CACNB2: variants seen among roughly 807,000 people sequenced by gnomAD.
CACNB2 encodes calcium voltage-gated channel auxiliary subunit beta 2, also known as voltage-dependent L-type calcium channel subunit beta-2.
A neutral mutation model predicts 73.3 loss-of-function variants in CACNB2; 42 were observed. The observed-to-expected ratio is 0.57, with a 90% CI of 0.45 to 0.74. The LOEUF (loss-of-function observed/expected upper bound fraction) is 0.74. CACNB2 is among the 30% of genes least tolerant of loss of function. The probability of loss-of-function intolerance (pLI) is 0.00; values close to 1 mark genes in which losing one functional copy is unlikely to be tolerated. For missense variants in CACNB2, 940 were observed against 853.0 expected (o/e 1.10, Z -1.27); for synonymous variants, 348 against 310.3 (o/e 1.12, Z -1.28).
intron 2 of CACNB2, among the ~76,000 whole-genome samples, chr10:18,158,455 A>G (rs539441278): frequency 6.6e-6 from 1 of 152,176 alleles, no homozygotes; most frequent in African/African-American, 2.4e-5. Context: ...TGGACTTGTT[A>G]TTAAGATTAT....
chr10:18,527,328 A>G (rs1417833501), intron 9 of CACNB2, among the ~76,000 whole-genome samples: 2 of 152,186 alleles, frequency 1.3e-5, no homozygotes, highest in African/African-American at 4.8e-5. Flanking sequence ...GTGAGCCGAG[A>G]ACGCACCACT....
intron 2 of CACNB2, among the ~76,000 whole-genome samples, chr10:18,335,766 CTTGT>C (rs59932501): frequency 0.57 from 84,447 of 149,156 alleles, 24,727 homozygotes; most frequent in African/African-American, 0.72. Flanking sequence ...ATCTCTCAGT[CTTGT>C]TTGACAGCAA....
At chr10:18,370,379 C>A (rs116365615) in intron 2 of CACNB2, among the ~76,000 whole-genome samples, 1 of 152,164 alleles carries the variant, frequency 6.6e-6, no homozygotes, top group African/African-American at 2.4e-5. Flanking sequence ...CTCACTGCAG[C>A]TTCCGCCTCC....
At chr10:18,395,977 G>A (rs1229111000) in intron 2 of CACNB2, among the ~76,000 whole-genome samples, 1 of 152,156 alleles carries the variant, frequency 6.6e-6, no homozygotes, top group East Asian at 1.9e-4. Flanking sequence ...ATTATTTTGA[G>A]ACAGGGTCTC....
At chr10:18,435,187 G>A (rs960180226) in intron 3 of CACNB2, among the ~76,000 whole-genome samples, 3 of 152,218 alleles carry the variant, frequency 2.0e-5, no homozygotes, top group African/African-American at 4.8e-5. Flanking sequence ...AGTCCAACCT[G>A]GAACCCTGTT....
intron 9 of CACNB2, among the ~76,000 whole-genome samples, chr10:18,525,847 T>C (rs934703719): frequency 2.0e-5 from 3 of 152,214 alleles, no homozygotes; most frequent in African/African-American, 7.2e-5. Context: ...CTTTTAACCT[T>C]TCTTTTGCTT....
chr10:18,413,016 G>T (rs775155592), intron 3 of CACNB2, among the ~76,000 whole-genome samples: 1 of 152,078 alleles, frequency 6.6e-6, no homozygotes, highest in African/African-American at 2.4e-5. Flanking sequence ...TATTACCCAG[G>T]CTAGATTGCA....
chr10:18,449,095 G>A (rs1381053626), intron 3 of CACNB2, among the ~76,000 whole-genome samples: 3 of 152,166 alleles, frequency 2.0e-5, no homozygotes, highest in Admixed American at 6.5e-5. Context: ...ATGCTAAAAC[G>A]AGAACGTGCC....
At chr10:18,280,068 G>A (rs1383605809) in intron 2 of CACNB2, among the ~76,000 whole-genome samples, 2 of 152,148 alleles carry the variant, frequency 1.3e-5, no homozygotes, top group African/African-American at 4.8e-5. Context: ...AACAGAGTGA[G>A]ACTCTGTCTC....
At chr10:18,152,718 A>AAAAAC (rs2031677156) in intron 2 of CACNB2, among the ~76,000 whole-genome samples, 1 of 130,170 alleles carries the variant, frequency 7.7e-6, no homozygotes, top group Non-Finnish European at 1.6e-5. Flanking sequence ...CCAAAAAAAA[A>AAAAAC]AAAAAAAAAA....
intron 2 of CACNB2, among the ~76,000 whole-genome samples, chr10:18,251,019 T>C (rs565759919): frequency 3.3e-5 from 5 of 152,368 alleles, no homozygotes; most frequent in Admixed American, 3.3e-4. Flanking sequence ...TGTTGGTAAA[T>C]GATATGCATC....
chr10:18,536,243 C>CTTTTA, intron 12 of CACNB2, 47 bp downstream of exon 12: 4 of 280,946 alleles, frequency 1.4e-5, no homozygotes, highest in East Asian at 1.9e-4. Context: ...GAGATCAGAC[C>CTTTTA]TTTTTTTTTT....
chr10:18,389,013 G>A (rs968408574), intron 2 of CACNB2, among the ~76,000 whole-genome samples: 5 of 152,154 alleles, frequency 3.3e-5, no homozygotes, highest in African/African-American at 1.2e-4. Context: ...AGGGTACTTT[G>A]TGAGAAATTT....
At chr10:18,298,430 A>G (rs1479178203) in intron 2 of CACNB2, among the ~76,000 whole-genome samples, 2 of 152,204 alleles carry the variant, frequency 1.3e-5, no homozygotes, top group Non-Finnish European at 2.9e-5. Flanking sequence ...AAGAGAATGT[A>G]CAGTGTGAAA....
At chr10:18,491,471 C>G (rs1407288013) in intron 3 of CACNB2, among the ~76,000 whole-genome samples, 1 of 152,120 alleles carries the variant, frequency 6.6e-6, no homozygotes, top group Non-Finnish European at 1.5e-5. Flanking sequence ...GGCTGTAGTC[C>G]TAGCTACTCA....
chr10:18,453,159 TCTC>T (rs1444039471), intron 3 of CACNB2, among the ~76,000 whole-genome samples: 1 of 152,178 alleles, frequency 6.6e-6, no homozygotes, highest in African/African-American at 2.4e-5. Flanking sequence ...TTTTGACCTG[TCTC>T]CTCCTCTCTC....
chr10:18,191,147 G>A (rs2034376625), intron 2 of CACNB2, among the ~76,000 whole-genome samples: 1 of 152,178 alleles, frequency 6.6e-6, no homozygotes, highest in African/African-American at 2.4e-5. Context: ...GAAACAGACA[G>A]GACTCAGTAG....
chr10:18,539,738 G>A lies in CACNB2; in HGVS notation c.*14G>A, dbSNP rs778771676. 6.6e-7 allele frequency: 1 copy of A among 1,509,522 alleles called. No homozygotes were observed. The highest frequency in any genetic ancestry group is 1.8e-5 in the African/African-American group (1 of 55,886). 93.5% of individuals were successfully genotyped at this position (1,509,522 alleles called of 1,614,324 possible). A position where few individuals can be genotyped will look rare whatever the true frequency, so the allele number is the denominator to read the frequency against. ...ATCCGCCAATGAGTTTTGCCCGTTTGTGTTTTTTTTTTTTTTTTTTTGAAG... is the reference window on the plus strand; with the variant it reads ...ATCCGCCAATGAGTTTTGCCCGTTTATGTTTTTTTTTTTTTTTTTTTGAAG... On this transcript the variant is annotated 3_prime_UTR_variant, in exon 14 of 14. Coordinates refer to ENST00000324631, the MANE Select transcript of CACNB2 (RefSeq NM_201596.3).
At chr10:18,191,346 C>A (rs1043234385) in intron 2 of CACNB2, among the ~76,000 whole-genome samples, 7 of 152,334 alleles carry the variant, frequency 4.6e-5, no homozygotes, top group South Asian at 2.1e-4. Context: ...AGCTGCCCCC[C>A]GTGTATTGCT....
Sources: allele counts gnomAD v4.1 joint callset (sites outside exome capture counted in the v4.1 genomes callset), GRCh38; gene constraint gnomAD v4.1.1; transcripts MANE v1.5; gene names NCBI Gene and HGNC (gene_info 2026-07-23, HGNC 2026-07-21).